EIF2S3B: variants seen among roughly 807,000 people sequenced by gnomAD.
The protein encoded by EIF2S3B is eukaryotic translation initiation factor 2 subunit 3B.
Under a neutral mutation model 26.4 loss-of-function variants are expected in EIF2S3B, and 16 were observed. The observed-to-expected ratio is 0.61, with a 90% confidence interval of 0.41 to 0.92. The LOEUF is 0.92. Ranked by LOEUF, EIF2S3B falls within the 40% of genes least tolerant of loss-of-function variation. The pLI, the probability that EIF2S3B is intolerant of heterozygous loss-of-function variation, is 0.00. For synonymous variants in EIF2S3B, 183 were observed against 204.4 expected (o/e 0.90, Z 0.89); for missense variants, 510 against 575.5 (o/e 0.89, Z 1.16).
intron 1 of EIF2S3B, among the ~76,000 whole-genome samples, chr12:10,515,485 A>G (rs778520403): frequency 6.6e-6 from 1 of 152,108 alleles, no homozygotes; most frequent in Non-Finnish European, 1.5e-5. Flanking sequence ...AAGAAAGTGT[A>G]GAGGACAGTT....
downstream of EIF2S3B, among the ~76,000 whole-genome samples, chr12:10,509,942 AT>A (rs1405235640): frequency 1.3e-5 from 2 of 151,854 alleles, no homozygotes; most frequent in Non-Finnish European, 2.9e-5. Context: ...TTTTCATCCT[AT>A]TTTTTTCCAT....
At chr12:10,515,020 C>G (rs1162023300) in intron 1 of EIF2S3B, among the ~76,000 whole-genome samples, 2 of 152,028 alleles carry the variant, frequency 1.3e-5, no homozygotes, top group Admixed American at 6.6e-5. Flanking sequence ...TGCAAAAGAC[C>G]CTCATGAAGC....
rs778023052 is a variant in EIF2S3B at position 10,506,529 on chromosome 12, G to A, written c.627G>A (p.Ala209=). The change falls in exon 1 of 1, where the codon GCG becomes GCA. Residue 209 remains alanine, a synonymous_variant. Transcript: ENST00000538173. ...AAGAACAATACGAGCAGATCCTTGC[G>A]TTTGTCCAAGGTACAGTAGCAGAGG... ...QAKEQYEQIL[A]FVQGTVAEGA... 110 of 1,592,842 alleles carry A rather than the reference G, an allele frequency of 6.9e-5. No homozygotes were observed. The Admixed American group carries it at 7.3e-4, about 11-fold the overall frequency.
At chr12:10,521,321 G>T (rs1293932388) in intron 1 of EIF2S3B, among the ~76,000 whole-genome samples, 1 of 151,962 alleles carries the variant, frequency 6.6e-6, no homozygotes, top group Non-Finnish European at 1.5e-5. Flanking sequence ...AGGAAAGGAA[G>T]TTTAAAGAAA....
chr12:10,508,525 CAAAAAA>C, downstream of EIF2S3B, among the ~76,000 whole-genome samples: 6 of 62,986 alleles, frequency 9.5e-5, no homozygotes, highest in African/African-American at 2.2e-4. Flanking sequence ...TGTTAGAAAG[CAAAAAA>C]AAAAAAAAAA....
In EIF2S3B at chr12:10,507,927, C is replaced by G. The variant is rs59481893; in HGVS notation, c.*606C>G. On this transcript the variant is annotated 3_prime_UTR_variant, in exon 1 of 1. Transcript: ENST00000538173. ...GAAATGAAACTTTGCCACAACCAGC[C>G]TTTGCTGTAGCACACACATATATCA... is the stretch of plus-strand genomic sequence containing the variant. Among the ~76,000 whole-genome samples the G allele has an allele frequency of 8.5e-5, 13 of 152,274 alleles. No individual in the cohort carries two copies. The highest frequency in any genetic ancestry group is 2.6e-4 in the Admixed American group (4 of 15,302).
exon 2 of EIF2S3B, chr12:10,523,091 T>C (rs1257360182): frequency 6.6e-6 from 1 of 152,300 alleles, no homozygotes; most frequent in African/African-American, 2.4e-5. Flanking sequence ...TTTAATTATA[T>C]GAAAAATTCT....
Position 10,507,278 on chromosome 12 carries a change from TAAG to T in EIF2S3B, c.1381_1383del (p.Arg461del), listed in dbSNP as rs767652534. The T allele has an allele frequency of 5.6e-6, 9 of 1,613,542 alleles. No individual in the cohort carries two copies. Among genetic ancestry groups the T allele is most frequent in the South Asian group, 2.2e-5 (2 of 91,062 alleles). On this transcript the variant is annotated inframe_deletion, in exon 1 of 1. Transcript: ENST00000538173. ...TGGCGTTTAATTGGTTGGGGTCAGA[TAAG>T]AAGAGGAGTGACAATCAAGCCAACA...
chr12:10,508,604 C>T (rs1864672685), downstream of EIF2S3B, among the ~76,000 whole-genome samples: 1 of 150,794 alleles, frequency 6.6e-6, no homozygotes, highest in South Asian at 2.1e-4. Flanking sequence ...CTTTAACCAG[C>T]CCTGAAGACG....
In EIF2S3B at chr12:10,508,299, C is replaced by T. The variant is rs1056627332; in HGVS notation, c.*978C>T. 3.9e-5 allele frequency among the ~76,000 whole-genome samples: 6 copies of T among 152,226 alleles called. No individual in the cohort carries two copies. The highest frequency in any genetic ancestry group is 1.2e-4 in the African/African-American group (5 of 41,538). ...AGAGTCAGAAGTTATCTCCCTCTCC[C>T]TGTGATGCCTTGAGATGTTTTTCTG... On this transcript the variant is annotated 3_prime_UTR_variant, in exon 1 of 1. Transcript: ENST00000538173.
chr12:10,506,822 G>A lies in EIF2S3B; in HGVS notation c.920G>A (p.Gly307Glu), dbSNP rs1169337183. The change falls in exon 1 of 1, where the codon GGA becomes GAA. Residue 307 changes from glycine (G) to glutamate (E), a missense_variant. Transcript: ENST00000538173. ...RPGIVSKDSE[G>E]KLMCKSIFSK... ...GGTATTGTTTCCAAAGATAGTGAAG[G>A]AAAACTCATGTGTAAATCAATCTTT... 5 of 1,613,566 alleles carry A rather than the reference G, an allele frequency of 3.1e-6. No individual in the cohort carries two copies. In the Admixed American group the frequency reaches 8.3e-5, roughly 27 times the overall value.
intron 1 of EIF2S3B, among the ~76,000 whole-genome samples, chr12:10,514,912 A>C (rs752466075): frequency 1.2e-4 from 19 of 152,238 alleles, no homozygotes; most frequent in African/African-American, 3.8e-4. Flanking sequence ...TCTAAAATCC[A>C]TATCTGCTCA....
At chr12:10,509,088 G>A (rs1320165537), downstream of EIF2S3B, among the ~76,000 whole-genome samples, 1 of 151,988 alleles carries the variant, frequency 6.6e-6, no homozygotes, top group African/African-American at 2.4e-5. Flanking sequence ...GCTACTTAGT[G>A]CTCTATTATT....
At chr12:10,510,479 T>C (rs1864693436), downstream of EIF2S3B, among the ~76,000 whole-genome samples, 2 of 152,226 alleles carry the variant, frequency 1.3e-5, no homozygotes, top group African/African-American at 4.8e-5. Flanking sequence ...TCTCTTCTTT[T>C]GAAAAATAGT....
chr12:10,519,134 C>A (rs1332060646), intron 1 of EIF2S3B, among the ~76,000 whole-genome samples: 2 of 152,078 alleles, frequency 1.3e-5, no homozygotes, highest in Non-Finnish European at 1.5e-5. Context: ...GTAACCAAAA[C>A]AGCATGGTAC....
chr12:10,506,495 G>A lies in EIF2S3B; in HGVS notation c.593G>A (p.Arg198Lys). ...LQNKIDLVKE[R>K]QAKEQYEQIL... ...AATAAAATTGATTTGGTAAAAGAAA[G>A]GCAGGCTAAAGAACAATACGAGCAG... Residue 198 changes from arginine (R) to lysine (K), a missense_variant, in exon 1 of 1, where the codon AGG (arginine) becomes AAG (lysine). Transcript: ENST00000538173. The A allele has an allele frequency of 6.2e-7, 1 of 1,606,264 alleles. No individual in the cohort carries two copies. The highest frequency in any genetic ancestry group is 8.5e-7 in the Non-Finnish European group (1 of 1,172,784).
chr12:10,513,256 G>A (rs1233025454), downstream of EIF2S3B, among the ~76,000 whole-genome samples: 1 of 152,028 alleles, frequency 6.6e-6, no homozygotes, highest in Non-Finnish European at 1.5e-5. Flanking sequence ...ACCTCATATT[G>A]TCATGCTCCT....
Position 10,506,983 on chromosome 12 carries a change from G to A in EIF2S3B, c.1081G>A (p.Val361Ile). ...AATGGTGGGGCAAATACTTGGTGCA[G>A]TCGGAGCTTTACCTGAGATATTCAC... ...DRMVGQILGA[V>I]GALPEIFTEL... Residue 361 changes from valine (V) to isoleucine (I), a missense_variant, in exon 1 of 1, where the codon GTC becomes ATC. Val to Ile is a conservative substitution (Grantham distance 29). Transcript: ENST00000538173. 1 of 1,613,864 alleles carries A rather than the reference G, an allele frequency of 6.2e-7. No individual in the cohort carries two copies. Among genetic ancestry groups the A allele is most frequent in the Non-Finnish European group, 8.5e-7 (1 of 1,179,732 alleles).
downstream of EIF2S3B, among the ~76,000 whole-genome samples, chr12:10,508,800 CAT>C (rs1038962104): frequency 6.6e-5 from 10 of 151,732 alleles, no homozygotes; most frequent in African/African-American, 2.4e-4. Flanking sequence ...ACCATAGACT[CAT>C]AGAAAAAAAA....
Sources: allele counts gnomAD v4.1 joint callset (sites outside exome capture counted in the v4.1 genomes callset), GRCh38; gene constraint gnomAD v4.1.1; transcripts MANE v1.5; gene names NCBI Gene and HGNC (gene_info 2026-07-23, HGNC 2026-07-21).